Variants in CTNND2 observed in about 807,000 individuals in gnomAD.
CTNND2 encodes catenin delta-2.
In CTNND2, 22 loss-of-function variants were observed where a neutral mutation model predicts 144.4. The observed-to-expected ratio is 0.15, with a 90% CI of 0.11 to 0.22. CTNND2 has a LOEUF of 0.22. CTNND2 is among the 10% of genes least tolerant of loss of function. The pLI, the probability that CTNND2 is intolerant of heterozygous loss-of-function variation, is 1.00. For missense variants in CTNND2, 1,353 were observed against 1,618.8 expected (o/e 0.84, Z 2.82); for synonymous variants, 751 against 695.6 (o/e 1.08, Z -1.25).
chr5:11,314,092 C>T lies in CTNND2; in HGVS notation c.1628+32280G>A, dbSNP rs138415680. Among the ~76,000 whole-genome samples, 210 of 152,214 alleles carry T rather than the reference C, an allele frequency of 1.4e-3. 1 individual carries two copies. The highest frequency in any genetic ancestry group is 1.7e-3 in the Non-Finnish European group (114 of 68,010). On this transcript the variant is annotated intron_variant, in intron 9 of 21. Transcript: ENST00000304623. ...GACACAGAGTCAAACCATATCAAGC[C>T]ACCAGCCCCTTTCTGGGACCTCTGA... is the stretch of plus-strand genomic sequence containing the variant.
intron 3 of CTNND2, among the ~76,000 whole-genome samples, chr5:11,546,826 G>GAA (rs377050396): frequency 6.6e-6 from 1 of 152,066 alleles, no homozygotes; most frequent in African/African-American, 2.4e-5. Context: ...ACACATATGT[G>GAA]AAAAATTGAC....
intron 16 of CTNND2, among the ~76,000 whole-genome samples, chr5:11,024,197 A>G (rs943862355): frequency 2.2e-4 from 34 of 152,330 alleles, no homozygotes; most frequent in Non-Finnish European, 3.8e-4. Context: ...CATAAAACAC[A>G]GGCCCTTGTA....
At chr5:11,119,472 A>G in intron 12 of CTNND2, among the ~76,000 whole-genome samples, 1 of 152,330 alleles carries the variant, frequency 6.6e-6, no homozygotes, top group African/African-American at 2.4e-5. Context: ...CCATCCTGTG[A>G]TGGCCAACCT....
intron 16 of CTNND2, among the ~76,000 whole-genome samples, chr5:11,055,225 G>T (rs150089586): frequency 2.0e-5 from 3 of 152,324 alleles, no homozygotes; most frequent in African/African-American, 7.2e-5. Flanking sequence ...AAGTCTTAAA[G>T]AACCCATCAG....
intron 9 of CTNND2, among the ~76,000 whole-genome samples, chr5:11,279,251 CA>C (rs1344399923): frequency 6.6e-6 from 1 of 152,098 alleles, no homozygotes; most frequent in Non-Finnish European, 1.5e-5. Context: ...CATTTGAAAC[CA>C]AATATGACCA....
rs61312361 is a variant in CTNND2, at chr5:11,030,754, GT to G, written c.2789-7776del. On this transcript the variant is annotated intron_variant, in intron 16 of 21. Coordinates refer to ENST00000304623, the MANE Select transcript of CTNND2 (RefSeq NM_001332.4). ...GTGCCATTTTTCAGCTATGGTTTCT[GT>G]TTTTTTTTTTTTTTTTTTTTAGTTT... Among the ~76,000 whole-genome samples the G allele has an allele frequency of 2.3e-3, 232 of 100,764 alleles. 1 individual carries two copies. Among genetic ancestry groups the G allele is most frequent in the East Asian group, 7.5e-3 (22 of 2,946 alleles). The allele number at this position is 100,764 out of a possible 152,430, so 66.1% of individuals were successfully genotyped here.
chr5:11,550,866 AC>A (rs1400267993), intron 3 of CTNND2, among the ~76,000 whole-genome samples: 1 of 152,240 alleles, frequency 6.6e-6, no homozygotes, highest in Admixed American at 6.5e-5. Context: ...GGATTAGCCT[AC>A]CAAATGTTTT....
At chr5:11,145,200 C>T (rs955267880) in intron 12 of CTNND2, among the ~76,000 whole-genome samples, 9 of 152,222 alleles carry the variant, frequency 5.9e-5, no homozygotes, top group Admixed American at 5.9e-4. Flanking sequence ...GGACTAAGTA[C>T]ATTCACATTG....
intron 2 of CTNND2, among the ~76,000 whole-genome samples, chr5:11,622,888 A>C (rs1335533826): frequency 4.6e-5 from 7 of 152,168 alleles, no homozygotes; most frequent in Non-Finnish European, 2.9e-5. Context: ...TTACCCCTTA[A>C]GCATGTAAGA....
At chr5:11,313,293 C>T (rs1053706430) in intron 9 of CTNND2, among the ~76,000 whole-genome samples, 1 of 152,194 alleles carries the variant, frequency 6.6e-6, no homozygotes, top group Non-Finnish European at 1.5e-5. Context: ...ATCTTACAGG[C>T]CTGTGCAGGC....
chr5:11,002,463 G>T (rs1740057670), intron 18 of CTNND2, among the ~76,000 whole-genome samples: 3 of 152,244 alleles, frequency 2.0e-5, no homozygotes, highest in Admixed American at 2.0e-4. Context: ...GGAGGAGGAG[G>T]AAAGGGGATT....
intron 3 of CTNND2, among the ~76,000 whole-genome samples, chr5:11,507,437 C>T (rs540154292): frequency 6.6e-6 from 1 of 152,266 alleles, no homozygotes; most frequent in South Asian, 2.1e-4. Flanking sequence ...TCCTCCATCA[C>T]CCAGAGGCAG....
At chr5:11,554,968 A>G (rs182801318) in intron 3 of CTNND2, among the ~76,000 whole-genome samples, 2 of 151,680 alleles carry the variant, frequency 1.3e-5, no homozygotes, top group Non-Finnish European at 1.5e-5. Context: ...ACATAAAAAA[A>G]TGAATAATAC....
intron 1 of CTNND2, among the ~76,000 whole-genome samples, chr5:11,844,111 C>T (rs1794622339): frequency 6.6e-6 from 1 of 152,146 alleles, no homozygotes; most frequent in African/African-American, 2.4e-5. Flanking sequence ...ATTCCTCCAG[C>T]TTTAACTTCC....
chr5:11,567,465 C>T (rs1777208652), intron 2 of CTNND2, among the ~76,000 whole-genome samples: 1 of 152,134 alleles, frequency 6.6e-6, no homozygotes, highest in Non-Finnish European at 1.5e-5. Context: ...CCTTCAATGA[C>T]TCCAATTAAG....
intron 2 of CTNND2, among the ~76,000 whole-genome samples, chr5:11,609,212 T>C (rs374642984): frequency 2.6e-5 from 4 of 152,306 alleles, no homozygotes; most frequent in East Asian, 3.9e-4. Context: ...TATTTTTTCA[T>C]TTTTTGTTGC....
intron 1 of CTNND2, among the ~76,000 whole-genome samples, chr5:11,782,784 A>G (rs1298840371): frequency 6.6e-6 from 1 of 152,180 alleles, no homozygotes; most frequent in Non-Finnish European, 1.5e-5. Flanking sequence ...TTCATTTCTC[A>G]TCTATATGTT....
At chr5:11,257,320 G>A (rs181078936) in intron 9 of CTNND2, among the ~76,000 whole-genome samples, 148 of 152,320 alleles carry the variant, frequency 9.7e-4, no homozygotes, top group Admixed American at 3.5e-3. Context: ...GACTGCAGGA[G>A]TCATGGGAAT....
chr5:11,111,635 G>C (rs1035021446), intron 13 of CTNND2, among the ~76,000 whole-genome samples: 2 of 152,174 alleles, frequency 1.3e-5, no homozygotes, highest in African/African-American at 4.8e-5. Context: ...TTAAACAGTG[G>C]TTAAGGACAC....
Sources: allele counts gnomAD v4.1 joint callset (sites outside exome capture counted in the v4.1 genomes callset), GRCh38; gene constraint gnomAD v4.1.1; transcripts MANE v1.5; gene names NCBI Gene and HGNC (gene_info 2026-07-23, HGNC 2026-07-21).